Variants in TATDN1 observed in about 807,000 individuals in gnomAD.
TATDN1 encodes the protein TatD DNase domain containing 1, also known as deoxyribonuclease TATDN1.
A neutral mutation model predicts 46.4 loss-of-function variants in TATDN1; 40 were observed. The observed-to-expected ratio is 0.86, with a 90% confidence interval of 0.67 to 1.12. TATDN1 has a LOEUF of 1.12. Ranked by LOEUF, TATDN1 falls within the 50% of genes most tolerant of loss-of-function variation. The pLI is 0.00. For synonymous variants in TATDN1, 95 were observed against 105.6 expected (o/e 0.90, Z 0.62); for missense variants, 326 against 348.4 (o/e 0.94, Z 0.51).
At chr8:124,489,789 T>C (rs1316848782) in intron 11 of TATDN1, 1 of 152,206 alleles carries the variant, frequency 6.6e-6, no homozygotes, top group Non-Finnish European at 1.5e-5. Flanking sequence ...AGTGGAAGAT[T>C]TTTAATACAT....
At chr8:124,490,751 TTTG>T (rs1326123027) in intron 11 of TATDN1, among the ~76,000 whole-genome samples, 1 of 127,148 alleles carries the variant, frequency 7.9e-6, no homozygotes, top group Non-Finnish European at 1.8e-5. Context: ...AGCACAGGTT[TTTG>T]TTTTTTTTTT....
intron 1 of TATDN1, among the ~76,000 whole-genome samples, chr8:124,530,599 A>G (rs1405175513): frequency 6.6e-6 from 1 of 152,198 alleles, no homozygotes; most frequent in Non-Finnish European, 1.5e-5. Context: ...AACTTAAGGG[A>G]CTGTCCTTAA....
Position 124,488,817 on chromosome 8 carries a change from C to CAGTT in TATDN1, c.792-125_792-122dup, listed in dbSNP as rs554146394. The CAGTT allele has an allele frequency of 3.1e-4, 202 of 662,232 alleles. 1 individual carries two copies. In the African/African-American group the frequency reaches 3.4e-3, roughly 11 times the overall value. 41.0% of individuals were successfully genotyped at this position (662,232 alleles called of 1,614,324 possible). On this transcript the variant is annotated intron_variant, in intron 11 of 11. Coordinates refer to ENST00000276692, the MANE Select transcript of TATDN1 (RefSeq NM_032026.4). ...ACACCTTTAATATAATAAAGCTTAA[C>CAGTT]AGTTATTAAGTTTTTCAGCAATATC...
In TATDN1 at chr8:124,488,698, T is replaced by A. The variant is rs781420142; in HGVS notation, c.792-2A>T. The A allele has an allele frequency of 1.3e-6, 2 of 1,579,442 alleles. No individual in the cohort carries two copies. Among genetic ancestry groups the A allele is most frequent in the Non-Finnish European group, 1.7e-6 (2 of 1,150,332 alleles). On this transcript the variant is annotated splice_acceptor_variant, in intron 11 of 11. Transcript: ENST00000276692. LOFTEE classifies it high-confidence loss of function. ...GCTGACATTATCTCCAATATTTGAC[T>A]AAAACAAAACAAAAACAAAAATGGT...
At chr8:124,538,108 A>C (rs1821641447) in intron 1 of TATDN1, among the ~76,000 whole-genome samples, 1 of 152,066 alleles carries the variant, frequency 6.6e-6, no homozygotes, top group South Asian at 2.1e-4. Flanking sequence ...ACCTCTCTTC[A>C]CCGCCAAACT....
intron 1 of TATDN1, among the ~76,000 whole-genome samples, chr8:124,532,677 G>A (rs1821071405): frequency 1.3e-5 from 2 of 152,188 alleles, no homozygotes; most frequent in Admixed American, 6.5e-5. Context: ...AAAGACATAC[G>A]TGCTGTCTGC....
At chr8:124,523,458 G>C (rs888782136) in intron 1 of TATDN1, 2 of 156,436 alleles carry the variant, frequency 1.3e-5, no homozygotes, top group African/African-American at 4.8e-5. Flanking sequence ...CACAGTGCTT[G>C]TAAAGAGCTA....
At chr8:124,496,782 T>C (rs1301210681) in intron 9 of TATDN1, among the ~76,000 whole-genome samples, 2 of 152,222 alleles carry the variant, frequency 1.3e-5, no homozygotes, top group African/African-American at 4.8e-5. Flanking sequence ...TTACAAAGAA[T>C]TTAAGATACA....
At chr8:124,497,241 G>A (rs181824717) in intron 9 of TATDN1, among the ~76,000 whole-genome samples, 1 of 151,532 alleles carries the variant, frequency 6.6e-6, no homozygotes, top group East Asian at 1.9e-4. Flanking sequence ...CATCTGCGTT[G>A]CAGTTTAACA....
rs1817115620 is a variant in TATDN1, at chr8:124,492,670, C to T, written c.791+1163G>A. Among the ~76,000 whole-genome samples, 2 of 146,550 alleles carry T rather than the reference C, an allele frequency of 1.4e-5. 1 individual carries two copies. Among genetic ancestry groups the T allele is most frequent in the African/African-American group, 5.1e-5 (2 of 39,556 alleles). On this transcript the variant is annotated intron_variant, in intron 11 of 11. Transcript: ENST00000276692. The stretch of plus-strand genomic sequence containing the variant: ...TTGGGAGGCTGAGGCAGGAGAATTG[C>T]TTGAACCCAGGAGGCGGAGATTGCA...
At chr8:124,503,045 A>G (rs1250778600) in intron 9 of TATDN1, among the ~76,000 whole-genome samples, 2 of 152,224 alleles carry the variant, frequency 1.3e-5, no homozygotes, top group African/African-American at 4.8e-5. Flanking sequence ...AAACCCTCTC[A>G]TACTTGGCAT....
chr8:124,504,615 T>C (rs1355631580), intron 8 of TATDN1: 1 of 272,912 alleles, frequency 3.7e-6, no homozygotes, highest in Non-Finnish European at 6.7e-6. Flanking sequence ...GCACTAGCAT[T>C]AGTGCAGAAG....
rs759065563 is a variant in TATDN1, at chr8:124,515,890, G to C, written c.343C>G (p.Leu115Val). Reference sequence around the variant, plus strand: ...AAGAGGCGAGGCTGGCACTCACCAAGTCCGCATTCTCCTATTGCCACAACT... The same window carrying C: ...AAGAGGCGAGGCTGGCACTCACCAACTCCGCATTCTCCTATTGCCACAACT... ...GKVVAIGECGLDFDRLQFCPK... is the reference protein window; with the variant it reads ...GKVVAIGECGVDFDRLQFCPK... The change falls in exon 5 of 12, where the codon CTT (leucine) becomes GTT (valine). Residue 115 changes from leucine (L) to valine (V), a missense_variant. Physicochemically the swap from Leu to Val is conservative, Grantham distance 32. Transcript: ENST00000276692. 1 of 1,614,014 alleles carries C rather than the reference G, an allele frequency of 6.2e-7. No homozygotes were observed. Among genetic ancestry groups the C allele is most frequent in the South Asian group, 1.1e-5 (1 of 91,038 alleles).
At chr8:124,505,525 C>T (rs1195170632) in intron 8 of TATDN1, among the ~76,000 whole-genome samples, 2 of 141,644 alleles carry the variant, frequency 1.4e-5, no homozygotes, top group Non-Finnish European at 3.0e-5. Context: ...AGGAGATCAG[C>T]GAAACTGTCT....
rs185888427 is a variant in TATDN1, at chr8:124,517,257, G to A, written c.203-1227C>T. Among the ~76,000 whole-genome samples the A allele has an allele frequency of 2.8e-3, 420 of 151,972 alleles. 4 individuals carry two copies. Among genetic ancestry groups the A allele is most frequent in the Non-Finnish European group, 4.0e-3 (274 of 67,936 alleles). On this transcript the variant is annotated intron_variant, in intron 4 of 11. Coordinates refer to ENST00000276692, the MANE Select transcript of TATDN1 (RefSeq NM_032026.4). ...AGCCTGACCAACATGGTGAAACCCC[G>A]TCTCTACTAAAGATACAAAAATTAG...
intron 9 of TATDN1, among the ~76,000 whole-genome samples, chr8:124,499,603 G>A (rs1276512090): frequency 2.0e-5 from 3 of 152,074 alleles, no homozygotes; most frequent in African/African-American, 7.2e-5. Context: ...GGAGTTCAGT[G>A]GGTGATCTCG....
chr8:124,498,020 T>G (rs1199895511), intron 9 of TATDN1, among the ~76,000 whole-genome samples: 1 of 152,228 alleles, frequency 6.6e-6, no homozygotes, highest in Non-Finnish European at 1.5e-5. Flanking sequence ...TCTGTTCATA[T>G]TTCATGTCTG....
At position 124,532,261 on chromosome 8, in the gene TATDN1, A is replaced by T. The variant is rs10091774; in HGVS notation, c.22+6764T>A. 4.5e-3 allele frequency among the ~76,000 whole-genome samples: 686 copies of T among 152,306 alleles called. 6 individuals are homozygous for T. The highest frequency in any genetic ancestry group is 0.013 in the African/African-American group (545 of 41,570). Reference sequence around the variant, plus strand: ...CTAGGGCTCAATGAGCCTGAATGGCATCTAAGAGAAACAAAACAGTCTTTG... The same window carrying T: ...CTAGGGCTCAATGAGCCTGAATGGCTTCTAAGAGAAACAAAACAGTCTTTG... On this transcript the variant is annotated intron_variant, in intron 1 of 11. Coordinates refer to ENST00000276692, the MANE Select transcript of TATDN1 (RefSeq NM_032026.4).
Position 124,523,084 on chromosome 8 carries a change from C to G in TATDN1, c.23-82G>C, listed in dbSNP as rs1045552108. 2.6e-5 allele frequency: 33 copies of G among 1,280,254 alleles called. No individual in the cohort carries two copies. In the South Asian group the frequency reaches 2.7e-4, roughly 11 times the overall value. The allele number at this position is 1,280,254 out of a possible 1,614,324, so 79.3% of individuals were successfully genotyped here. On this transcript the variant is annotated intron_variant, in intron 1 of 11. Coordinates refer to ENST00000276692, the MANE Select transcript of TATDN1 (RefSeq NM_032026.4). The stretch of plus-strand genomic sequence containing the variant: ...TAAATAAAAAGCTTCTGTTACTAAA[C>G]TTTTTGTTCACACACTCATCTACTC...
Sources: gnomAD v4.1 joint callset for allele counts (sites outside exome capture counted in the v4.1 genomes callset) on GRCh38, gnomAD v4.1.1 for gene constraint, MANE v1.5 for transcripts, NCBI Gene and HGNC (gene_info 2026-07-23, HGNC 2026-07-21) for gene names.